Variants in FBXO16 observed in about 807,000 individuals in gnomAD.
FBXO16 encodes the protein F-box protein 16.
A neutral mutation model predicts 41.0 loss-of-function variants in FBXO16; 31 were observed. That is an observed-to-expected ratio of 0.76 (90% CI 0.57 to 1.02). The LOEUF (loss-of-function observed/expected upper bound fraction) is 1.02, where lower values mean the gene tolerates loss of function less well. Among genes scored for constraint, FBXO16 ranks in the 50% least tolerant of loss-of-function variants. FBXO16 has a pLI of 0.00. For missense variants in FBXO16, 361 were observed against 346.2 expected (o/e 1.04, Z -0.34); for synonymous variants, 133 against 117.8 (o/e 1.13, Z -0.84).
rs760628838 is a variant in FBXO16, at chr8:28,429,398, C to G, written c.849G>C (p.Ser283=). ...CTCACAGTGGGAAGGGATTTCTCCT[C>G]GACATCTGGCCGCGAGCAGGAAAGG... is the stretch of plus-strand genomic sequence containing the variant. ...TRLRKAQSMM[S]RRNPFPLCP Residue 283 remains serine, a synonymous_variant, in exon 8 of 9, where the codon TCG becomes TCC. Transcript: ENST00000380254. The G allele has an allele frequency of 6.2e-7, 1 of 1,613,868 alleles. No homozygotes were observed. The highest frequency in any genetic ancestry group is 8.5e-7 in the Non-Finnish European group (1 of 1,179,896).
chr8:28,477,923 A>G (rs2130191114), intron 2 of FBXO16, among the ~76,000 whole-genome samples: 1 of 152,240 alleles, frequency 6.6e-6, no homozygotes, highest in African/African-American at 2.4e-5. Flanking sequence ...TGAGACAGGA[A>G]GATAGCTTGA....
At chr8:28,436,831 A>G (rs1585890767) in intron 7 of FBXO16, among the ~76,000 whole-genome samples, 1 of 152,214 alleles carries the variant, frequency 6.6e-6, no homozygotes, top group East Asian at 1.9e-4. Flanking sequence ...AGCTCACTGC[A>G]GCCTCGACCT....
At position 28,454,715 on chromosome 8, in the gene FBXO16, A is replaced by G. The variant is rs866684563; in HGVS notation, c.507+2051T>C. On this transcript the variant is annotated intron_variant, in intron 5 of 8. Transcript: ENST00000380254. ...TGCACTCCAGCCTGGGCGACAGAGC[A>G]AGACTCCGTCTTAAAAAAAAAAAAA... Among the ~76,000 whole-genome samples the G allele has an allele frequency of 1.4e-3, 201 of 140,496 alleles. 4 individuals carry two copies. Among genetic ancestry groups the G allele is most frequent in the African/African-American group, 5.3e-3 (189 of 35,664 alleles). The allele number at this position is 140,496 out of a possible 152,430, so 92.2% of individuals were successfully genotyped here. A position where few individuals can be genotyped will look rare whatever the true frequency, so the allele number is the denominator to read the frequency against.
intron 4 of FBXO16, among the ~76,000 whole-genome samples, chr8:28,460,245 A>ATATATATATATATATAT (rs1477457728): frequency 4.7e-5 from 4 of 85,486 alleles, no homozygotes; most frequent in African/African-American, 2.5e-4. Flanking sequence ...ATATATATAT[A>ATATATATATATATATAT]TTTTTTTTTT....
intron 5 of FBXO16, chr8:28,455,739 A>G (rs1214007801): frequency 6.6e-6 from 1 of 151,896 alleles, no homozygotes; most frequent in Admixed American, 6.6e-5. Context: ...TTCACTTAAA[A>G]CTCTCTTTTT....
chr8:28,440,152 G>A (rs1802747362), intron 7 of FBXO16, among the ~76,000 whole-genome samples: 1 of 151,972 alleles, frequency 6.6e-6, no homozygotes, highest in Non-Finnish European at 1.5e-5. Flanking sequence ...ACCCAGGCTG[G>A]AATGCAGTGG....
chr8:28,463,225 CGTGT>C (rs781260166), intron 4 of FBXO16, among the ~76,000 whole-genome samples: 33 of 135,310 alleles, frequency 2.4e-4, no homozygotes, highest in South Asian at 4.8e-4. Flanking sequence ...TATGTGTGTC[CGTGT>C]GTGTGTTTGT....
chr8:28,459,169 T>C (rs1287100265), intron 4 of FBXO16, among the ~76,000 whole-genome samples: 1 of 152,226 alleles, frequency 6.6e-6, no homozygotes, highest in Non-Finnish European at 1.5e-5. Context: ...ATGACCATTA[T>C]TGACAACCTG....
At chr8:28,487,337 T>C (rs970222259) in intron 1 of FBXO16, among the ~76,000 whole-genome samples, 6 of 151,946 alleles carry the variant, frequency 3.9e-5, no homozygotes, top group African/African-American at 1.4e-4. Context: ...GCGTGTATAT[T>C]TGCATGCACA....
chr8:28,444,481 C>CTT lies in FBXO16; in HGVS notation c.843+2688_843+2689dup, dbSNP rs1206057786. The stretch of plus-strand genomic sequence containing the variant: ...ACATGCCCGGCTAATTTTTTCTTTT[C>CTT]TTTTTTTTTTTTTTTTGAGACGGAG... On this transcript the variant is annotated intron_variant, in intron 7 of 8. Coordinates refer to ENST00000380254, the MANE Select transcript of FBXO16 (RefSeq NM_172366.4). Among the ~76,000 whole-genome samples, 1,056 of 106,758 alleles carry CTT rather than the reference C, an allele frequency of 9.9e-3. 34 individuals are homozygous for CTT. The highest frequency in any genetic ancestry group is 0.036 in the African/African-American group (1,017 of 28,254). 70.0% of individuals were successfully genotyped at this position (106,758 alleles called of 152,430 possible).
At position 28,471,469 on chromosome 8, in the gene FBXO16, C is replaced by T. The variant is rs369542049; in HGVS notation, c.135+2303G>A. On this transcript the variant is annotated intron_variant, in intron 3 of 8. Transcript: ENST00000380254. ...TCTCTCTTTCTTTCTTTCGAAAATG[C>T]ATTTCTTATGTTACTGTCTTGTCCA... Among the ~76,000 whole-genome samples, 7 of 152,062 alleles carry T rather than the reference C, an allele frequency of 4.6e-5. No individual in the cohort carries two copies. In the South Asian group the frequency reaches 1.2e-3, roughly 27 times the overall value.
At chr8:28,460,246 T>TATATATATA (rs58128827) in intron 4 of FBXO16, among the ~76,000 whole-genome samples, 31 of 66,612 alleles carry the variant, frequency 4.7e-4, no homozygotes, top group Non-Finnish European at 6.2e-4. Flanking sequence ...TATATATATA[T>TATATATATA]TTTTTTTTTT....
chr8:28,487,474 A>AC (rs893449875), intron 1 of FBXO16, among the ~76,000 whole-genome samples: 2 of 143,052 alleles, frequency 1.4e-5, no homozygotes, highest in African/African-American at 5.2e-5. Flanking sequence ...GGCTTACTGC[A>AC]CCTACGCTTC....
intron 3 of FBXO16, among the ~76,000 whole-genome samples, chr8:28,468,986 C>T (rs993550965): frequency 3.1e-4 from 47 of 152,204 alleles, no homozygotes; most frequent in Non-Finnish European, 1.3e-4. Context: ...GATGTTCATG[C>T]ATTTCCTTTT....
At chr8:28,450,128 C>T (rs545026950) in intron 6 of FBXO16, among the ~76,000 whole-genome samples, 1 of 151,770 alleles carries the variant, frequency 6.6e-6, no homozygotes, top group Non-Finnish European at 1.5e-5. Flanking sequence ...ATATAGAGAC[C>T]AATAGAATAG....
At chr8:28,443,758 G>C (rs1484492808) in intron 7 of FBXO16, among the ~76,000 whole-genome samples, 1 of 152,054 alleles carries the variant, frequency 6.6e-6, no homozygotes, top group African/African-American at 2.4e-5. Context: ...GATAAAACAG[G>C]TTGCAATAAA....
At chr8:28,453,827 G>A (rs1327821835) in intron 5 of FBXO16, among the ~76,000 whole-genome samples, 1 of 151,976 alleles carries the variant, frequency 6.6e-6, no homozygotes, top group Non-Finnish European at 1.5e-5. Context: ...GCAGGGTTGG[G>A]ATCTTTCTAT....
At chr8:28,457,035 T>C (rs2130138231) in intron 4 of FBXO16, 105 bp from the exon 5 acceptor site, 1 of 1,231,414 alleles carries the variant, frequency 8.1e-7, no homozygotes, top group Middle Eastern at 2.3e-4. Context: ...CTGAGAAAAC[T>C]TTTTTGTCCT....
At chr8:28,442,025 C>A (rs1203708368) in intron 7 of FBXO16, among the ~76,000 whole-genome samples, 1 of 147,728 alleles carries the variant, frequency 6.8e-6, no homozygotes, top group Non-Finnish European at 1.5e-5. Context: ...CTCACTGCAA[C>A]CTCTGCCTCC....
Sources: gnomAD v4.1 joint callset for allele counts (sites outside exome capture counted in the v4.1 genomes callset) on GRCh38, gnomAD v4.1.1 for gene constraint, MANE v1.5 for transcripts, NCBI Gene and HGNC (gene_info 2026-07-23, HGNC 2026-07-21) for gene names.